Variants in TRH observed in about 807,000 individuals in gnomAD.
The protein encoded by TRH is TSH-releasing factor.
TRH carries 5 observed loss-of-function variants against 5.2 expected under a neutral mutation model. The ratio of observed to expected loss-of-function variants is 0.95; its 90% CI spans 0.50 to 2.00. The LOEUF (loss-of-function observed/expected upper bound fraction) is 2.00. Ranked by LOEUF, TRH falls within the 30% of genes most tolerant of loss-of-function variation. TRH has a pLI of 0.01. For synonymous variants in TRH, 131 were observed against 128.6 expected (o/e 1.02, Z -0.13); for missense variants, 318 against 312.8 (o/e 1.02, Z -0.13).
In TRH at chr3:129,976,921, C is replaced by T. The variant is rs1291516419; in HGVS notation, c.434C>T (p.Ala145Val). ...QHPGRRSPWLAYAVPKRQHPG... is the reference protein window; with the variant it reads ...QHPGRRSPWLVYAVPKRQHPG... ...CCTGGCCGGCGCTCCCCCTGGCTTG[C>T]ATATGCTGTCCCGAAGCGGCAGCAC... Residue 145 changes from alanine to valine, a missense_variant, in exon 3 of 3, where the codon GCA becomes GTA. Ala to Val is a moderately conservative substitution (Grantham distance 64, BLOSUM62 0). Transcript: ENST00000302649. 1.2e-6 allele frequency: 2 copies of T among 1,613,428 alleles called. No homozygotes were observed. Among genetic ancestry groups the T allele is most frequent in the Non-Finnish European group, 1.7e-6 (2 of 1,179,836 alleles).
Position 129,976,033 on chromosome 3 carries a change from T to C in TRH, c.211+6T>C. ...GGACCAGGGTGAGCACTCCGGTGAG[T>C]GGATGGGGCTGTTGGGGGCTGTGGG... On this transcript the variant is annotated splice_donor_region_variant and intron_variant, in intron 2 of 2. Coordinates refer to ENST00000302649, the MANE Select transcript of TRH (RefSeq NM_007117.5). The C allele has an allele frequency of 6.2e-7, 1 of 1,612,672 alleles. No individual in the cohort carries two copies. Among genetic ancestry groups the C allele is most frequent in the Non-Finnish European group, 8.5e-7 (1 of 1,179,440 alleles).
At chr3:129,976,128 T>C in intron 2 of TRH, 101 bp downstream of exon 2, 2 of 1,399,786 alleles carry the variant, frequency 1.4e-6, no homozygotes, top group Admixed American at 2.2e-5. Context: ...GCTAGCCTTC[T>C]GCCTTTCGGA....
intron 1 of TRH, among the ~76,000 whole-genome samples, chr3:129,975,110 C>G (rs1369220384): frequency 1.3e-5 from 2 of 152,084 alleles, no homozygotes; most frequent in Non-Finnish European, 2.9e-5. Flanking sequence ...CTGGGTGCCG[C>G]CGGACAGAGC....
At chr3:129,974,889 G>C (rs1335545093) in intron 1 of TRH, 66 bp downstream of exon 1, 1 of 152,332 alleles carries the variant, frequency 6.6e-6, no homozygotes, top group Non-Finnish European at 1.5e-5. Flanking sequence ...GAGCCCTCTC[G>C]GCCCGCCCTC....
chr3:129,977,898 C>T lies in TRH; in HGVS notation c.*682C>T, dbSNP rs1407701211. On this transcript the variant is annotated 3_prime_UTR_variant, in exon 3 of 3. Transcript: ENST00000302649. ...CTAAGCCCCTATCCCTTGTCGATGA[C>T]AGTCATCCTAATGATAATAAAACCT... 2.6e-5 allele frequency: 4 copies of T among 152,252 alleles called. No homozygotes were observed. Among genetic ancestry groups the T allele is most frequent in the African/African-American group, 9.6e-5 (4 of 41,454 alleles). The allele number at this position is 152,252 out of a possible 1,614,324, so 9.4% of individuals were successfully genotyped here.
Position 129,975,804 on chromosome 3 carries a change from C to G in TRH, c.-8-5C>G, listed in dbSNP as rs1175669535. ...CGCTCAGGCTCCCTCTGTCCCCTAA[C>G]CCAGACGCCGCGATGCCCGGCCCTT... On this transcript the variant is annotated splice_region_variant and splice_polypyrimidine_tract_variant and intron_variant, in intron 1 of 2. Transcript: ENST00000302649. The G allele has an allele frequency of 4.4e-6, 7 of 1,600,790 alleles. No individual in the cohort carries two copies. The highest frequency in any genetic ancestry group is 1.3e-5 in the African/African-American group (1 of 74,674).
chr3:129,977,921 C>G lies in TRH; in HGVS notation c.*705C>G, dbSNP rs5667. 1 of 152,264 alleles carries G rather than the reference C, an allele frequency of 6.6e-6. No homozygotes were observed. The highest frequency in any genetic ancestry group is 1.5e-5 in the Non-Finnish European group (1 of 68,052). The allele number at this position is 152,264 out of a possible 1,614,324, so 9.4% of individuals were successfully genotyped here. ...GACAGTCATCCTAATGATAATAAAACCTGCATCCAGATAATCACGGAGCTC... is the reference window on the plus strand; with the variant it reads ...GACAGTCATCCTAATGATAATAAAAGCTGCATCCAGATAATCACGGAGCTC... On this transcript the variant is annotated 3_prime_UTR_variant, in exon 3 of 3. Transcript: ENST00000302649.
Position 129,977,065 on chromosome 3 carries a change from T to TGGGAGGCCCCTGTGGGCCCCA in TRH, c.584_604dup (p.Gly195_Gly201dup). The TGGGAGGCCCCTGTGGGCCCCA allele has an allele frequency of 6.2e-7, 1 of 1,606,728 alleles. No individual in the cohort carries two copies. Among genetic ancestry groups the TGGGAGGCCCCTGTGGGCCCCA allele is most frequent in the South Asian group, 1.1e-5 (1 of 90,760 alleles). ...CGCCAGCATCCGGGCAAGAGGGCCC[T>TGGGAGGCCCCTGTGGGCCCCA]GGGAGGCCCCTGTGGGCCCCAGGGA... is the stretch of plus-strand genomic sequence containing the variant. On this transcript the variant is annotated inframe_insertion, in exon 3 of 3. Coordinates refer to ENST00000302649, the MANE Select transcript of TRH (RefSeq NM_007117.5).
rs2062549198 is a variant in TRH at position 129,976,986 on chromosome 3, T to C, written c.499T>C (p.Trp167Arg). ...RLADPKAQRS[W>R]EEEEEEEERE... ...GGCAGATCCCAAGGCTCAAAGGAGC[T>C]GGGAAGAAGAGGAGGAGGAGGAAGA... The change falls in exon 3 of 3, where the codon TGG becomes CGG. Residue 167 changes from tryptophan (W) to arginine (R), a missense_variant. Physicochemically the swap from Trp to Arg is moderately radical, Grantham distance 101. Coordinates refer to ENST00000302649, the MANE Select transcript of TRH (RefSeq NM_007117.5). The C allele has an allele frequency of 3.7e-6, 6 of 1,611,206 alleles. No homozygotes were observed. The highest frequency in any genetic ancestry group is 5.1e-6 in the Non-Finnish European group (6 of 1,179,234).
chr3:129,976,059 GC>G (rs1560666883), intron 2 of TRH, 32 bp downstream of exon 2: 1 of 1,605,118 alleles, frequency 6.2e-7, no homozygotes, highest in East Asian at 2.2e-5. Flanking sequence ...GGGCTGTGGG[GC>G]TAGGCTATTG....
In TRH at chr3:129,975,977, T is replaced by G. The variant is rs1262227826; in HGVS notation, c.161T>G (p.Phe54Cys). The G allele has an allele frequency of 1.2e-6, 2 of 1,613,966 alleles. No individual in the cohort carries two copies. The highest frequency in any genetic ancestry group is 1.7e-6 in the Non-Finnish European group (2 of 1,179,988). The change falls in exon 2 of 3, where the codon TTC becomes TGC. Residue 54 changes from phenylalanine to cysteine, a missense_variant. Phe to Cys is a radical substitution (Grantham distance 205). Transcript: ENST00000302649. ...CTGCGCCAGGTGGAGCGCCTCCTCT[T>G]CCTCCGGGAAAACATCCAGCGGCTG... ...DFLRQVERLL[F>C]LRENIQRLQG...
chr3:129,975,614 G>A (rs1472679264), intron 1 of TRH, among the ~76,000 whole-genome samples, 195 bp from the exon 2 acceptor site: 4 of 152,200 alleles, frequency 2.6e-5, no homozygotes, highest in Admixed American at 6.5e-5. Context: ...GGGCGAGGAC[G>A]CCTAGAGGTG....
rs1233902649 is a variant in TRH at position 129,976,981 on chromosome 3, G to A, written c.494G>A (p.Arg165Lys). Reference protein sequence around the residue: ...GRRLADPKAQRSWEEEEEEEE... With the variant: ...GRRLADPKAQKSWEEEEEEEE... ...AGGCTGGCAGATCCCAAGGCTCAAA[G>A]GAGCTGGGAAGAAGAGGAGGAGGAG... The change falls in exon 3 of 3, where the codon AGG becomes AAG. Residue 165 changes from arginine (R) to lysine (K), a missense_variant. Coordinates refer to ENST00000302649, the MANE Select transcript of TRH (RefSeq NM_007117.5). The A allele has an allele frequency of 1.9e-6, 3 of 1,613,234 alleles. No individual in the cohort carries two copies. The highest frequency in any genetic ancestry group is 2.2e-5 in the South Asian group (2 of 91,020).
In TRH at chr3:129,977,133, C is replaced by G. The variant is rs971527587; in HGVS notation, c.646C>G (p.Leu216Val). The G allele has an allele frequency of 2.6e-6, 4 of 1,542,754 alleles. No homozygotes were observed. Among genetic ancestry groups the G allele is most frequent in the South Asian group, 1.3e-5 (1 of 79,160 alleles). Residue 216 changes from leucine to valine, a missense_variant, in exon 3 of 3, where the codon CTG (leucine) becomes GTG (valine). By Grantham distance (32) the Leu-to-Val change is conservative. Transcript: ENST00000302649. The stretch of plus-strand genomic sequence containing the variant: ...CCTTCTGCTGGGGCTCCTGGATGAC[C>G]TGAGTAGGAGCCAGGGAGCTGAGGA... ...AGLLLGLLDDLSRSQGAEEKR... is the reference protein window; with the variant it reads ...AGLLLGLLDDVSRSQGAEEKR...
rs1025787488 is a variant in TRH at position 129,977,335 on chromosome 3, C to T, written c.*119C>T. 8 of 1,283,812 alleles carry T rather than the reference C, an allele frequency of 6.2e-6. No individual in the cohort carries two copies. The highest frequency in any genetic ancestry group is 5.9e-5 in the African/African-American group (4 of 67,258). The allele number at this position is 1,283,812 out of a possible 1,614,324, so 79.5% of individuals were successfully genotyped here. On this transcript the variant is annotated 3_prime_UTR_variant, in exon 3 of 3. Transcript: ENST00000302649. The stretch of plus-strand genomic sequence containing the variant: ...CCCTGACCATAAGCCTGAGCCCCTC[C>T]CTCCCAGCCCCATATTCACACACAT...
chr3:129,975,070 GCGGGGTGGGAGCTCCGCGGCACCCCCTGC>G (rs1460007633), intron 1 of TRH, among the ~76,000 whole-genome samples: 5 of 152,134 alleles, frequency 3.3e-5, no homozygotes, highest in Non-Finnish European at 1.5e-5. Flanking sequence ...AGTCCGCAGC[GCGGGGTGGGAGCTCCGCGGCACCCCCTGC>G]CTGGGTGCCG....
rs1238235089 is a variant in TRH, at chr3:129,977,127, G to A, written c.640G>A (p.Asp214Asn). The A allele has an allele frequency of 4.5e-6, 7 of 1,549,358 alleles. No individual in the cohort carries two copies. The highest frequency in any genetic ancestry group is 5.2e-6 in the Non-Finnish European group (6 of 1,151,424). Residue 214 changes from aspartate (D) to asparagine (N), a missense_variant, in exon 3 of 3, where the codon GAT becomes AAT. Transcript: ENST00000302649. ...AGCGGGCCTTCTGCTGGGGCTCCTG[G>A]ATGACCTGAGTAGGAGCCAGGGAGC... ...GQAGLLLGLL[D>N]DLSRSQGAEE...
rs2062548327 is a variant in TRH at position 129,976,893 on chromosome 3, C to T, written c.406C>T (p.His136Tyr). Residue 136 changes from histidine (H) to tyrosine (Y), a missense_variant, in exon 3 of 3, where the codon CAT becomes TAT. His to Tyr is a moderately conservative substitution (Grantham distance 83, BLOSUM62 2). Transcript: ENST00000302649. ...CGATGTAACCCAGCACAAGCGGCAGCATCCTGGCCGGCGCTCCCCCTGGCT... is the reference window on the plus strand; with the variant it reads ...CGATGTAACCCAGCACAAGCGGCAGTATCCTGGCCGGCGCTCCCCCTGGCT... ...SVDVTQHKRQ[H>Y]PGRRSPWLAY... 2 of 1,613,506 alleles carry T rather than the reference C, an allele frequency of 1.2e-6. No homozygotes were observed. The highest frequency in any genetic ancestry group is 1.7e-6 in the Non-Finnish European group (2 of 1,179,738).
chr3:129,977,000 G>A lies in TRH; in HGVS notation c.513G>A (p.Glu171=), dbSNP rs1399559498. 3.1e-6 allele frequency: 5 copies of A among 1,613,816 alleles called. No homozygotes were observed. The highest frequency in any genetic ancestry group is 4.2e-6 in the Non-Finnish European group (5 of 1,179,948). Residue 171 remains glutamate (E), a synonymous_variant, in exon 3 of 3, where the codon GAG becomes GAA. Transcript: ENST00000302649. ...CTCAAAGGAGCTGGGAAGAAGAGGAGGAGGAGGAAGAGAGAGAGGAAGACC... is the reference window on the plus strand; with the variant it reads ...CTCAAAGGAGCTGGGAAGAAGAGGAAGAGGAGGAAGAGAGAGAGGAAGACC... ...PKAQRSWEEE[E]EEEEREEDLM...
Sources: gnomAD v4.1 joint callset for allele counts (sites outside exome capture counted in the v4.1 genomes callset) on GRCh38, gnomAD v4.1.1 for gene constraint, MANE v1.5 for transcripts, NCBI Gene and HGNC (gene_info 2026-07-23, HGNC 2026-07-21) for gene names.